Variants in TMEM127 observed in about 807,000 individuals in gnomAD.
The protein encoded by TMEM127 is transmembrane protein 127.
TMEM127 carries 21 observed loss-of-function variants against 20.1 expected under a neutral mutation model. The ratio of observed to expected loss-of-function variants is 1.04; its 90% CI spans 0.74 to 1.50. The LOEUF (loss-of-function observed/expected upper bound fraction) is 1.50, where lower values mean the gene tolerates loss of function less well. Among genes scored for constraint, TMEM127 ranks in the 40% most tolerant of loss-of-function variants. The probability of loss-of-function intolerance (pLI) is 0.00; values close to 1 mark genes in which losing one functional copy is unlikely to be tolerated. For missense variants in TMEM127, 303 were observed against 317.4 expected (o/e 0.95, Z 0.34); for synonymous variants, 150 against 144.7 (o/e 1.04, Z -0.26).
Position 96,254,859 on chromosome 2 carries a change from C to A in TMEM127, c.383G>T (p.Arg128Leu), listed in dbSNP as rs779277417. 2 of 1,614,052 alleles carry A rather than the reference C, an allele frequency of 1.2e-6. No homozygotes were observed. The highest frequency in any genetic ancestry group is 1.7e-6 in the Non-Finnish European group (2 of 1,179,958). The change falls in exon 3 of 4, where the codon CGC becomes CTC. Residue 128 changes from arginine (R) to leucine (L), a missense_variant. Physicochemically the swap from Arg to Leu is moderately radical, Grantham distance 102. Coordinates refer to ENST00000258439, the MANE Select transcript of TMEM127 (RefSeq NM_017849.4). ...PKHPALKITR[R>L]YAFAHILTVL... The stretch of plus-strand genomic sequence containing the variant: ...CGTTAGGATATGGGCGAAGGCATAG[C>A]GACGAGTGATCTTCAGAGCAGGATG...
intron 2 of TMEM127, among the ~76,000 whole-genome samples, chr2:96,263,465 C>T (rs1374502533): frequency 6.6e-5 from 10 of 151,692 alleles, no homozygotes; most frequent in South Asian, 2.1e-4. Flanking sequence ...CAAGTTCAAG[C>T]GATTCTCCTG....
At chr2:96,254,784 C>T (rs751002711) in intron 3 of TMEM127, 49 bp downstream of exon 3, 78 of 1,610,302 alleles carry the variant, frequency 4.8e-5, no homozygotes, top group Non-Finnish European at 6.5e-5. Context: ...ACAGGATGCC[C>T]CCACCCTGTA....
rs562870929 is a variant in TMEM127, at chr2:96,256,431, C to T, written c.245-1434G>A. Among the ~76,000 whole-genome samples the T allele has an allele frequency of 3.9e-4, 59 of 149,706 alleles. 1 individual carries two copies. Among genetic ancestry groups the T allele is most frequent in the African/African-American group, 1.3e-3 (52 of 40,456 alleles). On this transcript the variant is annotated intron_variant, in intron 2 of 3. Transcript: ENST00000258439. The stretch of plus-strand genomic sequence containing the variant: ...TACTAAAAATACAAAATTAGCCGGG[C>T]GTGGTGGTGCATGCCTGTGATCCCA...
At chr2:96,260,258 G>C (rs2104298390) in intron 2 of TMEM127, among the ~76,000 whole-genome samples, 1 of 152,372 alleles carries the variant, frequency 6.6e-6, no homozygotes, top group South Asian at 2.1e-4. Flanking sequence ...CCAGCTCAGA[G>C]ACTCTTCTGG....
Position 96,254,936 on chromosome 2 carries a change from C to A in TMEM127, c.306G>T (p.Leu102=), listed in dbSNP as rs1236241988. The A allele has an allele frequency of 6.2e-7, 1 of 1,614,226 alleles. No homozygotes were observed. Among genetic ancestry groups the A allele is most frequent in the Non-Finnish European group, 8.5e-7 (1 of 1,180,036 alleles). ...AAGCGGAGAGACTACACAGGATGCCCAGGAAACAGAAGGCGGCGATGACCC... is the reference window on the plus strand; with the variant it reads ...AAGCGGAGAGACTACACAGGATGCCAAGGAAACAGAAGGCGGCGATGACCC... The part of the protein sequence containing the change: ...LLRVIAAFCF[L]GILCSLSAFL... The change falls in exon 3 of 4, where the codon CTG becomes CTT. Residue 102 remains leucine (L), a synonymous_variant. Transcript: ENST00000258439.
At chr2:96,261,194 A>C (rs1020928696) in intron 2 of TMEM127, among the ~76,000 whole-genome samples, 3 of 151,902 alleles carry the variant, frequency 2.0e-5, no homozygotes, top group Admixed American at 2.0e-4. Flanking sequence ...GTGTGAGTCT[A>C]TCTCCACCCA....
Position 96,256,306 on chromosome 2 carries a change from C to T in TMEM127, c.245-1309G>A, listed in dbSNP as rs1426548336. ...AAAAAATGTTGGCAGGGCACGGTGGCTCACACCTGTAATCCCACACTTTGG... is the reference window on the plus strand; with the variant it reads ...AAAAAATGTTGGCAGGGCACGGTGGTTCACACCTGTAATCCCACACTTTGG... On this transcript the variant is annotated intron_variant, in intron 2 of 3. Transcript: ENST00000258439. Among the ~76,000 whole-genome samples the T allele has an allele frequency of 2.7e-5, 4 of 149,666 alleles. No homozygotes were observed. The Admixed American group carries it at 2.7e-4, about 10-fold the overall frequency.
chr2:96,257,278 A>G (rs1037531804), intron 2 of TMEM127, among the ~76,000 whole-genome samples: 1 of 151,814 alleles, frequency 6.6e-6, no homozygotes, highest in African/African-American at 2.4e-5. Flanking sequence ...CGTGGCCAAC[A>G]TGGTGAAACC....
chr2:96,254,866 TG>T lies in TMEM127; in HGVS notation c.375del (p.Thr126LeufsTer10). 1 of 1,613,694 alleles carries T rather than the reference TG, an allele frequency of 6.2e-7. No individual in the cohort carries two copies. The highest frequency in any genetic ancestry group is 1.1e-5 in the South Asian group (1 of 91,052). On this transcript the variant is annotated frameshift_variant, in exon 3 of 4. Transcript: ENST00000258439. LOFTEE classifies it high-confidence loss of function. ...ATATGGGCGAAGGCATAGCGACGAG[TG>T]ATCTTCAGAGCAGGATGCTTCGGCC... ...VFGPKHPALK[I>X]TRRYAFAHIL...
In TMEM127 at chr2:96,250,610, A is replaced by AC. The variant is rs1197056359; in HGVS notation, c.*3197_*3198insG. 5 of 232,774 alleles carry AC rather than the reference A, an allele frequency of 2.1e-5. No homozygotes were observed. Among genetic ancestry groups the AC allele is most frequent in the Non-Finnish European group, 3.4e-5 (4 of 117,836 alleles). 14.4% of individuals were successfully genotyped at this position (232,774 alleles called of 1,614,324 possible). ...ATGTGTATTCTCCCTAACAACAACA[A>AC]AAGAGACCTAAATGGGCTGCTCCCT... is the stretch of plus-strand genomic sequence containing the variant. On this transcript the variant is annotated 3_prime_UTR_variant, in exon 4 of 4. Transcript: ENST00000258439.
intron 2 of TMEM127, among the ~76,000 whole-genome samples, chr2:96,257,335 G>A (rs1188918567): frequency 1.3e-5 from 2 of 152,030 alleles, no homozygotes; most frequent in African/African-American, 4.8e-5. Context: ...GGTGGCGCGC[G>A]CCTGTAGTCC....
Position 96,251,750 on chromosome 2 carries a change from T to C in TMEM127, c.*2058A>G, listed in dbSNP as rs1272786146. 8.6e-6 allele frequency: 2 copies of C among 232,730 alleles called. No homozygotes were observed. Among genetic ancestry groups the C allele is most frequent in the Admixed American group, 5.6e-5 (1 of 17,728 alleles). 14.4% of individuals were successfully genotyped at this position (232,730 alleles called of 1,614,324 possible). On this transcript the variant is annotated 3_prime_UTR_variant, in exon 4 of 4. Transcript: ENST00000258439. ...GAATTTATATGACAAACTATCAGTGTCAGGATGGCAGAGGGAAAGAGAAAG... is the reference window on the plus strand; with the variant it reads ...GAATTTATATGACAAACTATCAGTGCCAGGATGGCAGAGGGAAAGAGAAAG...
intron 2 of TMEM127, among the ~76,000 whole-genome samples, chr2:96,264,078 G>A (rs2104305058): frequency 6.6e-6 from 1 of 152,276 alleles, no homozygotes; most frequent in Middle Eastern, 3.4e-3. Flanking sequence ...TAAAACTCAA[G>A]AGAGATGCAA....
intron 2 of TMEM127, among the ~76,000 whole-genome samples, chr2:96,258,788 C>G (rs554317348): frequency 7.2e-5 from 11 of 152,132 alleles, no homozygotes; most frequent in Non-Finnish European, 1.5e-4. Context: ...TCTTGGGGTC[C>G]ACGTGGCATG....
intron 2 of TMEM127, among the ~76,000 whole-genome samples, chr2:96,263,973 G>T (rs952746915): frequency 6.6e-6 from 1 of 152,112 alleles, no homozygotes; most frequent in Non-Finnish European, 1.5e-5. Flanking sequence ...CATAACTTTG[G>T]CTTTAATGAG....
chr2:96,249,952 C>A lies in TMEM127; in HGVS notation c.*3856G>T, dbSNP rs539820493. 4.3e-6 allele frequency: 1 copy of A among 233,068 alleles called. No homozygotes were observed. Among genetic ancestry groups the A allele is most frequent in the African/African-American group, 2.2e-5 (1 of 45,326 alleles). The allele number at this position is 233,068 out of a possible 1,614,324, so 14.4% of individuals were successfully genotyped here. ...CTCTTCGCCTGTGCAGTTGATGCCA[C>A]CTTCCAGCTGCCACGTGACAGGTGG... is the stretch of plus-strand genomic sequence containing the variant. On this transcript the variant is annotated 3_prime_UTR_variant, in exon 4 of 4. Coordinates refer to ENST00000258439, the MANE Select transcript of TMEM127 (RefSeq NM_017849.4).
chr2:96,254,903 CA>C lies in TMEM127; in HGVS notation c.338del (p.Leu113ArgfsTer11). On this transcript the variant is annotated frameshift_variant, in exon 3 of 4. Coordinates refer to ENST00000258439, the MANE Select transcript of TMEM127 (RefSeq NM_017849.4). LOFTEE classifies it high-confidence loss of function. ...GILCSLSAFL[L>X]DVFGPKHPAL... is the part of the protein sequence containing the mutation. The stretch of plus-strand genomic sequence containing the variant: ...CAGGATGCTTCGGCCCAAAGACATC[CA>C]GAAGGAAAGCGGAGAGACTACACAG... The C allele has an allele frequency of 6.2e-7, 1 of 1,614,064 alleles. No individual in the cohort carries two copies. Among genetic ancestry groups the C allele is most frequent in the Non-Finnish European group, 8.5e-7 (1 of 1,179,986 alleles).
In TMEM127 at chr2:96,249,677, GAA is replaced by G. The variant is rs2104270771; in HGVS notation, c.*4129_*4130del. The G allele has an allele frequency of 4.3e-6, 1 of 233,082 alleles. No individual in the cohort carries two copies. The highest frequency in any genetic ancestry group is 5.6e-5 in the Admixed American group (1 of 17,800). 14.4% of individuals were successfully genotyped at this position (233,082 alleles called of 1,614,324 possible). On this transcript the variant is annotated 3_prime_UTR_variant, in exon 4 of 4. Transcript: ENST00000258439. Reference sequence around the variant, plus strand: ...GTCACTCCCCCCAAAAAATGCAGAGGAAGAGGTAAGATTGCAGGCTATTTGAA... The same window carrying G: ...GTCACTCCCCCCAAAAAATGCAGAGGGAGGTAAGATTGCAGGCTATTTGAA...
intron 2 of TMEM127, 142 bp from the exon 3 acceptor site, chr2:96,255,139 T>A: frequency 1.7e-6 from 2 of 1,187,462 alleles, no homozygotes; most frequent in Non-Finnish European, 2.4e-6. Context: ...CCCCTGCTCC[T>A]GGGTGGTCTG....
Sources: allele counts gnomAD v4.1 joint callset (sites outside exome capture counted in the v4.1 genomes callset), GRCh38; gene constraint gnomAD v4.1.1; transcripts MANE v1.5; gene names NCBI Gene and HGNC (gene_info 2026-07-23, HGNC 2026-07-21).